SLITRK5: variants seen among roughly 807,000 people sequenced by gnomAD.
SLITRK5 encodes the protein SLIT and NTRK-like protein 5.
A neutral mutation model predicts 56.2 loss-of-function variants in SLITRK5; 23 were observed. The observed-to-expected ratio is 0.41, with a 90% CI of 0.29 to 0.58. The LOEUF is 0.58. Ranked by LOEUF, SLITRK5 falls within the 20% of genes least tolerant of loss-of-function variation. SLITRK5 has a pLI of 0.30. For synonymous variants in SLITRK5, 637 were observed against 531.8 expected, an observed-to-expected ratio of 1.20 and a Z score of -2.72; for missense variants, 1,289 against 1,226.6, an observed-to-expected ratio of 1.05 and a Z score of -0.76.
rs1877299125 is a variant in SLITRK5 at position 87,676,830 on chromosome 13, A to T, written c.1442A>T (p.Gln481Leu). Residue 481 changes from glutamine (Q) to leucine (L), a missense_variant, in exon 2 of 2, where the codon CAG (glutamine) becomes CTG (leucine). Gln to Leu is a moderately radical substitution (Grantham distance 113). Coordinates refer to ENST00000683689, the MANE Select transcript of SLITRK5 (RefSeq NM_001384609.1). ...RLSPELFYGL[Q>L]SLQYLFLQYN... ...AGCCCGGAGTTATTCTATGGCCTGCAGAGCCTGCAGTATCTCTTCCTCCAG... is the reference window on the plus strand; with the variant it reads ...AGCCCGGAGTTATTCTATGGCCTGCTGAGCCTGCAGTATCTCTTCCTCCAG... The T allele has an allele frequency of 1.2e-6, 2 of 1,614,014 alleles. No homozygotes were observed. Among genetic ancestry groups the T allele is most frequent in the Non-Finnish European group, 1.7e-6 (2 of 1,180,040 alleles).
At chr13:87,675,129 T>C (rs181447498) in intron 1 of SLITRK5, among the ~76,000 whole-genome samples, 3 of 152,284 alleles carry the variant, frequency 2.0e-5, no homozygotes, top group Admixed American at 2.0e-4. Context: ...TCTAACCTGC[T>C]CTTATCTTGT....
rs762246344 is a variant in SLITRK5 at position 87,675,463 on chromosome 13, T to G, written c.75T>G (p.Thr25=). 1 of 1,614,192 alleles carries G rather than the reference T, an allele frequency of 6.2e-7. No individual in the cohort carries two copies. The highest frequency in any genetic ancestry group is 1.3e-5 in the African/African-American group (1 of 75,048). The change falls in exon 2 of 2, where the codon ACT becomes ACG. Residue 25 remains threonine, a synonymous_variant. Transcript: ENST00000683689. ...AAATGCATAGCTGGATGCTGCAGAC[T>G]CTAGCGTTTGCTGTAACATCTCTCG... ...HRKMHSWMLQ[T]LAFAVTSLVL...
At position 87,677,048 on chromosome 13, in the gene SLITRK5, T is replaced by A; in HGVS notation, c.1660T>A (p.Ser554Thr). The stretch of plus-strand genomic sequence containing the variant: ...GAGTGGAGTTTTGGACCAGCTGAAG[T>A]CACTCATCCAAATCGACCTGCATGA... ...PVSGVLDQLK[S>T]LIQIDLHDNP... The change falls in exon 2 of 2, where the codon TCA (serine) becomes ACA (threonine). Residue 554 changes from serine (S) to threonine (T), a missense_variant. By Grantham distance (58) the Ser-to-Thr change is moderately conservative. Transcript: ENST00000683689. This position sits in a 1 kb window ranked among gnomAD's most constrained non-coding sequence, Gnocchi z 4.7. The A allele has an allele frequency of 1.2e-6, 2 of 1,614,012 alleles. No homozygotes were observed. The highest frequency in any genetic ancestry group is 1.7e-6 in the Non-Finnish European group (2 of 1,179,974).
rs149464166 is a variant in SLITRK5, at chr13:87,675,742, G to C, written c.354G>C (p.Gln118His). 2 of 1,614,122 alleles carry C rather than the reference G, an allele frequency of 1.2e-6. No individual in the cohort carries two copies. The highest frequency in any genetic ancestry group is 4.5e-5 in the East Asian group (2 of 44,868). ...TGCATCTAGGTAGCAATGTTATCCA[G>C]GACATTGAGACCGGGGCTTTCCATG... ...SILHLGSNVI[Q>H]DIETGAFHGL... Residue 118 changes from glutamine to histidine, a missense_variant, in exon 2 of 2, where the codon CAG becomes CAC. This residue lies in a region of SLITRK5 where 291 missense variants were observed against 286.7 expected (regional missense o/e 1.02). Transcript: ENST00000683689.
Position 87,675,552 on chromosome 13 carries a change from A to T in SLITRK5, c.164A>T (p.Glu55Val). ...GEICDNACPC[E>V]EKDGILTVSC... ...ATCTGTGACAATGCATGTCCTTGTGAGGAAAAGGACGGCATTTTAACTGTG... is the reference window on the plus strand; with the variant it reads ...ATCTGTGACAATGCATGTCCTTGTGTGGAAAAGGACGGCATTTTAACTGTG... Residue 55 changes from glutamate to valine, a missense_variant, in exon 2 of 2, where the codon GAG becomes GTG. Glu to Val is a moderately radical substitution (Grantham distance 121). Transcript: ENST00000683689. 6.2e-7 allele frequency: 1 copy of T among 1,614,176 alleles called. No homozygotes were observed. The highest frequency in any genetic ancestry group is 8.5e-7 in the Non-Finnish European group (1 of 1,180,034).
Position 87,677,102 on chromosome 13 carries a change from G to A in SLITRK5, c.1714G>A (p.Val572Met), listed in dbSNP as rs1159451187. ...TCCTTGGGATTGTACCTGTGACATT[G>A]TGGGCATGAAGCTGTGGGTGGAGCA... ...DNPWDCTCDI[V>M]GMKLWVEQLK... The change falls in exon 2 of 2, where the codon GTG (valine) becomes ATG (methionine). Residue 572 changes from valine to methionine, a missense_variant. Around this residue, in one of 3 missense-constraint regions of SLITRK5, gnomAD observed 985 missense variants for 906.0 expected, o/e 1.09. Transcript: ENST00000683689. The surrounding 1 kb of genome is among the most constrained non-coding windows in gnomAD (Gnocchi z 4.7). 1 of 1,614,182 alleles carries A rather than the reference G, an allele frequency of 6.2e-7. No individual in the cohort carries two copies. The highest frequency in any genetic ancestry group is 1.7e-5 in the Admixed American group (1 of 60,024).
chr13:87,677,878 C>T lies in SLITRK5; in HGVS notation c.2490C>T (p.Ser830=), dbSNP rs770664749. 1.2e-6 allele frequency: 2 copies of T among 1,611,006 alleles called. No individual in the cohort carries two copies. The highest frequency in any genetic ancestry group is 1.7e-5 in the Admixed American group (1 of 59,730). ...EERRESHHLR[S]PAYSVSTIEP... The stretch of plus-strand genomic sequence containing the variant: ...GGCGGGAAAGCCACCACTTGCGGAG[C>T]CCCGCCTACAGCGTCAGCACCATCG... The change falls in exon 2 of 2, where the codon AGC becomes AGT. Residue 830 remains serine, a synonymous_variant. Coordinates refer to ENST00000683689, the MANE Select transcript of SLITRK5 (RefSeq NM_001384609.1). The surrounding 1 kb of genome is among the most constrained non-coding windows in gnomAD (Gnocchi z 4.7).
chr13:87,676,183 G>A lies in SLITRK5; in HGVS notation c.795G>A (p.Glu265=), dbSNP rs1431609372. The A allele has an allele frequency of 1.9e-6, 3 of 1,613,978 alleles. No homozygotes were observed. The highest frequency in any genetic ancestry group is 2.5e-6 in the Non-Finnish European group (3 of 1,180,028). Residue 265 remains glutamate, a synonymous_variant, in exon 2 of 2, where the codon GAG becomes GAA. Transcript: ENST00000683689. ...CCCTGGTGGGGGATGTAGTTTGTGA[G>A]ACCCCCTTCCGCTTACACGGAAGGG... is the stretch of plus-strand genomic sequence containing the variant. ...YSALVGDVVC[E]TPFRLHGRDL...
Position 87,676,699 on chromosome 13 carries a change from C to T in SLITRK5, c.1311C>T (p.Leu437=). 1 of 1,614,094 alleles carries T rather than the reference C, an allele frequency of 6.2e-7. No individual in the cohort carries two copies. Among genetic ancestry groups the T allele is most frequent in the Non-Finnish European group, 8.5e-7 (1 of 1,180,030 alleles). The change falls in exon 2 of 2, where the codon CTC becomes CTT. Residue 437 remains leucine (L), a synonymous_variant. Coordinates refer to ENST00000683689, the MANE Select transcript of SLITRK5 (RefSeq NM_001384609.1). ...TCCTGGAGGCCACGGGGCTGGACCT[C>T]CTGCACCTGGGGAATAACCGCATCT... ...TDFLEATGLD[L]LHLGNNRISM...
chr13:87,677,523 T>G lies in SLITRK5; in HGVS notation c.2135T>G (p.Met712Arg), dbSNP rs546718304. 1 of 1,611,782 alleles carries G rather than the reference T, an allele frequency of 6.2e-7. No individual in the cohort carries two copies. The highest frequency in any genetic ancestry group is 1.7e-5 in the Admixed American group (1 of 60,010). Residue 712 changes from methionine (M) to arginine (R), a missense_variant, in exon 2 of 2, where the codon ATG becomes AGG. Met to Arg is a moderately conservative substitution (Grantham distance 91). Coordinates refer to ENST00000683689, the MANE Select transcript of SLITRK5 (RefSeq NM_001384609.1). This position sits in a 1 kb window ranked among gnomAD's most constrained non-coding sequence, Gnocchi z 4.7. ...TNNSDVSSFN[M>R]QYSVYGGGGG... ...AACTCCGACGTGAGCTCCTTTAACATGCAGTACAGCGTGTACGGCGGCGGC... is the reference window on the plus strand; with the variant it reads ...AACTCCGACGTGAGCTCCTTTAACAGGCAGTACAGCGTGTACGGCGGCGGC...
Position 87,678,241 on chromosome 13 carries a change from A to G in SLITRK5, c.2853A>G (p.Lys951=). The G allele has an allele frequency of 1.2e-6, 2 of 1,613,044 alleles. No homozygotes were observed. The highest frequency in any genetic ancestry group is 2.2e-5 in the South Asian group (2 of 90,912). Reference sequence around the variant, plus strand: ...CGGACTACCTCGAAGTGCTGGAAAAACAGACCACGTTTAGCCAGTTCTAAA... The same window carrying G: ...CGGACTACCTCGAAGTGCTGGAAAAGCAGACCACGTTTAGCCAGTTCTAAA... ...VEPDYLEVLE[K]QTTFSQF Residue 951 remains lysine, a synonymous_variant, in exon 2 of 2, where the codon AAA becomes AAG. Coordinates refer to ENST00000683689, the MANE Select transcript of SLITRK5 (RefSeq NM_001384609.1).
chr13:87,675,953 T>C lies in SLITRK5; in HGVS notation c.565T>C (p.Leu189=), dbSNP rs1877255739. The C allele has an allele frequency of 6.2e-7, 1 of 1,614,170 alleles. No homozygotes were observed. Among genetic ancestry groups the C allele is most frequent in the Non-Finnish European group, 8.5e-7 (1 of 1,180,036 alleles). Residue 189 remains leucine (L), a synonymous_variant, in exon 2 of 2, where the codon TTG becomes CTG. Coordinates refer to ENST00000683689, the MANE Select transcript of SLITRK5 (RefSeq NM_001384609.1). ...LQVLILNDNL[L]SSLPNNLFRF... ...GGTGCTTATCCTCAATGACAATCTT[T>C]TGTCCAGTTTACCCAACAATCTTTT...
At position 87,676,820 on chromosome 13, in the gene SLITRK5, T is replaced by A. The variant is rs1566320667; in HGVS notation, c.1432T>A (p.Tyr478Asn). 1 of 1,614,120 alleles carries A rather than the reference T, an allele frequency of 6.2e-7. No homozygotes were observed. The highest frequency in any genetic ancestry group is 8.5e-7 in the Non-Finnish European group (1 of 1,180,032). The change falls in exon 2 of 2, where the codon TAT (tyrosine) becomes AAT (asparagine). Residue 478 changes from tyrosine (Y) to asparagine (N), a missense_variant. Physicochemically the swap from Tyr to Asn is moderately radical, Grantham distance 143. Transcript: ENST00000683689. ...CGAGAGGCTGAGCCCGGAGTTATTC[T>A]ATGGCCTGCAGAGCCTGCAGTATCT... The part of the protein sequence containing the change: ...RIERLSPELF[Y>N]GLQSLQYLFL...
intron 1 of SLITRK5, among the ~76,000 whole-genome samples, chr13:87,673,021 C>T (rs559178459): frequency 1.3e-5 from 2 of 151,334 alleles, no homozygotes; most frequent in South Asian, 4.2e-4. Context: ...CCTGGAACTC[C>T]GGGTGCTTCT....
At position 87,676,147 on chromosome 13, in the gene SLITRK5, C is replaced by T. The variant is rs1202854497; in HGVS notation, c.759C>T (p.Ile253=). 1 of 1,614,140 alleles carries T rather than the reference C, an allele frequency of 6.2e-7. No individual in the cohort carries two copies. Among genetic ancestry groups the T allele is most frequent in the Admixed American group, 1.7e-5 (1 of 60,022 alleles). ...CTCTAAAGGATTGGTTGGACAGCAT[C>T]TCCTATTCAGCCCTGGTGGGGGATG... The part of the protein sequence containing the change: ...LISLKDWLDS[I]SYSALVGDVV... Residue 253 remains isoleucine, a synonymous_variant, in exon 2 of 2, where the codon ATC becomes ATT. Transcript: ENST00000683689.
In SLITRK5 at chr13:87,677,543, G is replaced by T; in HGVS notation, c.2155G>T (p.Gly719Cys). ...TAACATGCAGTACAGCGTGTACGGC[G>T]GCGGCGGCGGCACGGGCGGCCACCC... ...SFNMQYSVYG[G>C]GGGTGGHPHA... Residue 719 changes from glycine to cysteine, a missense_variant, in exon 2 of 2, where the codon GGC becomes TGC. Gly to Cys is a radical substitution (Grantham distance 159). Transcript: ENST00000683689. The surrounding 1 kb of genome is among the most constrained non-coding windows in gnomAD (Gnocchi z 4.7). 1 of 1,607,918 alleles carries T rather than the reference G, an allele frequency of 6.2e-7. No individual in the cohort carries two copies. Among genetic ancestry groups the T allele is most frequent in the Non-Finnish European group, 8.5e-7 (1 of 1,176,256 alleles).
In SLITRK5 at chr13:87,677,843, G is replaced by A. The variant is rs780290205; in HGVS notation, c.2455G>A (p.Glu819Lys). The stretch of plus-strand genomic sequence containing the variant: ...GCCGCAGCTGCAGCTGCAGCCCGGG[G>A]AGGAGGAGAGGCGGGAAAGCCACCA... ...PPPQLQLQPGEEERRESHHLR... is the reference protein window; with the variant it reads ...PPPQLQLQPGKEERRESHHLR... The change falls in exon 2 of 2, where the codon GAG (glutamate) becomes AAG (lysine). Residue 819 changes from glutamate (E) to lysine (K), a missense_variant. Coordinates refer to ENST00000683689, the MANE Select transcript of SLITRK5 (RefSeq NM_001384609.1). This position sits in a 1 kb window ranked among gnomAD's most constrained non-coding sequence, Gnocchi z 4.7. The A allele has an allele frequency of 2.6e-5, 42 of 1,611,786 alleles. No homozygotes were observed. The South Asian group carries it at 3.4e-4, about 13-fold the overall frequency.
intron 1 of SLITRK5, 135 bp from the exon 2 acceptor site, chr13:87,675,246 T>C: frequency 1.6e-6 from 1 of 621,290 alleles, no homozygotes. Context: ...ATGTTTCACT[T>C]GGGGAGGTGT....
intron 1 of SLITRK5, chr13:87,672,898 T>TGTGTGTGTCTATGTGGCG (rs1877103204): frequency 6.3e-6 from 1 of 159,122 alleles, no homozygotes; most frequent in Non-Finnish European, 1.4e-5. Context: ...TGTGTGTGTG[T>TGTGTGTGTCTATGTGGCG]GTGTGTGTGT....
Sources: gnomAD v4.1 joint callset for allele counts (sites outside exome capture counted in the v4.1 genomes callset) on GRCh38, gnomAD v4.1.1 for gene constraint, gnomAD v4.1.1 regional missense constraint, Gnocchi (gnomAD v3.1) non-coding constraint, MANE v1.5 for transcripts, NCBI Gene and HGNC (gene_info 2026-07-23, HGNC 2026-07-21) for gene names.